Variants in HECW1 observed in about 807,000 individuals in gnomAD.
HECW1 encodes E3 ubiquitin-protein ligase HECW1.
In HECW1, 61 loss-of-function variants were observed where a neutral mutation model predicts 182.3. That is an observed-to-expected ratio of 0.33 (90% CI 0.27 to 0.41). The LOEUF (loss-of-function observed/expected upper bound fraction) is 0.41. HECW1 is among the 10% of genes least tolerant of loss of function. HECW1 has a pLI of 1.00. For missense variants in HECW1, 1,739 were observed against 2,108.9 expected, an observed-to-expected ratio of 0.82 and a Z score of 3.44; for synonymous variants, 859 against 832.6, an observed-to-expected ratio of 1.03 and a Z score of -0.55.
intron 6 of HECW1, among the ~76,000 whole-genome samples, chr7:43,392,166 A>AAGACTC (rs2075054679): frequency 6.6e-6 from 1 of 152,244 alleles, no homozygotes; most frequent in African/African-American, 2.4e-5. Flanking sequence ...CCAGATGAAT[A>AAGACTC]AGACTCAGTG....
rs780873522 is a variant in HECW1, at chr7:43,361,000, CTT to C, written c.555+22_555+23del. ...GCTCCTGTAAGTCTCATTTCTCCGT[CTT>C]TGGTTAGACCTAACTCTGGTCTTTC... On this transcript the variant is annotated intron_variant, in intron 6 of 29. Coordinates refer to ENST00000395891, the MANE Select transcript of HECW1 (RefSeq NM_015052.5). 1 of 1,563,348 alleles carries C rather than the reference CTT, an allele frequency of 6.4e-7. No homozygotes were observed. Among genetic ancestry groups the C allele is most frequent in the African/African-American group, 1.4e-5 (1 of 73,802 alleles).
At chr7:43,486,683 A>G (rs1283601594) in intron 17 of HECW1, among the ~76,000 whole-genome samples, 2 of 152,224 alleles carry the variant, frequency 1.3e-5, no homozygotes, top group Non-Finnish European at 2.9e-5. Context: ...CAGCTCTATT[A>G]TAAGCTTATG....
At chr7:43,273,806 G>T (rs559977237) in intron 3 of HECW1, among the ~76,000 whole-genome samples, 1 of 151,188 alleles carries the variant, frequency 6.6e-6, no homozygotes, top group African/African-American at 2.4e-5. Flanking sequence ...AACAACGGTG[G>T]ATAATTTCCC....
At chr7:43,501,183 C>CTTTTTTTTT (rs567367189) in intron 20 of HECW1, 30 bp from the exon 21 acceptor site, 1,848 of 745,732 alleles carry the variant, frequency 2.5e-3, no homozygotes, top group South Asian at 6.3e-3. Flanking sequence ...TCTTTTCTTT[C>CTTTTTTTTT]TTTTTTTTTT....
chr7:43,416,843 C>T (rs2076021098), intron 8 of HECW1, among the ~76,000 whole-genome samples: 1 of 58,686 alleles, frequency 1.7e-5, no homozygotes, highest in Admixed American at 1.9e-4. Flanking sequence ...ACTCCCTGGC[C>T]CCTTGCGCTT....
intron 8 of HECW1, among the ~76,000 whole-genome samples, chr7:43,430,333 CTCTT>C (rs1247183517): frequency 1.3e-5 from 2 of 152,326 alleles, no homozygotes; most frequent in East Asian, 3.9e-4. Flanking sequence ...GCCAGTAAAA[CTCTT>C]TCTACCCACG....
chr7:43,394,207 GCCATGAGGACTGGCCA>G (rs1449838493), intron 6 of HECW1, among the ~76,000 whole-genome samples: 1 of 152,162 alleles, frequency 6.6e-6, no homozygotes, highest in African/African-American at 2.4e-5. Context: ...CCCTGATTAT[GCCATGAGGACTGGCCA>G]CCTTCAGAGT....
intron 13 of HECW1, among the ~76,000 whole-genome samples, chr7:43,457,517 A>C (rs1272649563): frequency 1.3e-5 from 2 of 152,208 alleles, no homozygotes; most frequent in African/African-American, 4.8e-5. Context: ...TCACGCCTGT[A>C]ATCCCAGCAC....
At chr7:43,236,654 G>C (rs144788849) in intron 2 of HECW1, among the ~76,000 whole-genome samples, 1 of 152,062 alleles carries the variant, frequency 6.6e-6, no homozygotes, top group Admixed American at 6.6e-5. Flanking sequence ...AGTCTGGCTC[G>C]GTGAATCTGC....
chr7:43,354,605 C>T (rs1035476338), intron 5 of HECW1, among the ~76,000 whole-genome samples: 5 of 151,744 alleles, frequency 3.3e-5, no homozygotes, highest in African/African-American at 7.3e-5. Flanking sequence ...TTTGAAAATA[C>T]GCAGAGGAGA....
intron 3 of HECW1, among the ~76,000 whole-genome samples, chr7:43,253,666 G>A (rs904763142): frequency 1.3e-5 from 2 of 152,140 alleles, no homozygotes; most frequent in African/African-American, 4.8e-5. Context: ...GCATTGGGAG[G>A]CCGAGGAGCA....
chr7:43,209,899 C>T (rs1173293415), intron 2 of HECW1, among the ~76,000 whole-genome samples: 1 of 152,130 alleles, frequency 6.6e-6, no homozygotes, highest in Non-Finnish European at 1.5e-5. Context: ...TCTGCCGTGC[C>T]CAGTCCCACA....
At chr7:43,428,732 T>C (rs1267731242) in intron 8 of HECW1, among the ~76,000 whole-genome samples, 1 of 152,196 alleles carries the variant, frequency 6.6e-6, no homozygotes, top group East Asian at 1.9e-4. Flanking sequence ...TTTTCTTCCT[T>C]CTGTGTTCTG....
In HECW1 at chr7:43,508,262, C is replaced by A. The variant is rs541323502; in HGVS notation, c.3866+131C>A. 1.2e-5 allele frequency: 7 copies of A among 592,850 alleles called. No individual in the cohort carries two copies. The African/African-American group carries it at 1.3e-4, about 11-fold the overall frequency. 36.7% of individuals were successfully genotyped at this position (592,850 alleles called of 1,614,324 possible). The stretch of plus-strand genomic sequence containing the variant: ...ACCCCAATGCGATTCTGATCACATT[C>A]TCCCAGGAGGTCCTTCTTTTCAGGT... On this transcript the variant is annotated intron_variant, in intron 23 of 29. Transcript: ENST00000395891.
chr7:43,323,079 A>G (rs970618810), intron 5 of HECW1, among the ~76,000 whole-genome samples: 1 of 152,206 alleles, frequency 6.6e-6, no homozygotes, highest in Non-Finnish European at 1.5e-5. Flanking sequence ...ACACTTTGAT[A>G]CTATATGATC....
intron 3 of HECW1, among the ~76,000 whole-genome samples, chr7:43,292,422 A>G (rs930184141): frequency 1.3e-5 from 2 of 152,246 alleles, no homozygotes; most frequent in East Asian, 3.8e-4. Context: ...ACCAGCCTTG[A>G]TAACAAGGCA....
chr7:43,222,420 A>G (rs1584042175), intron 2 of HECW1, among the ~76,000 whole-genome samples: 2 of 152,330 alleles, frequency 1.3e-5, no homozygotes, highest in Non-Finnish European at 2.9e-5. Context: ...GGTACTTTGT[A>G]TAAGAGGGAT....
At chr7:43,162,467 C>T (rs891585937) in intron 2 of HECW1, among the ~76,000 whole-genome samples, 1 of 152,236 alleles carries the variant, frequency 6.6e-6, no homozygotes, top group Non-Finnish European at 1.5e-5. Context: ...TCTGTCTCTC[C>T]TCTGCGTGTC....
chr7:43,511,369 A>T (rs1284583692), intron 24 of HECW1: 3 of 152,226 alleles, frequency 2.0e-5, no homozygotes, highest in Admixed American at 1.3e-4. Flanking sequence ...GATGCTGCTG[A>T]CTTGTGATGA....
Sources: gnomAD v4.1 joint callset for allele counts (sites outside exome capture counted in the v4.1 genomes callset) on GRCh38, gnomAD v4.1.1 for gene constraint, MANE v1.5 for transcripts, NCBI Gene and HGNC (gene_info 2026-07-23, HGNC 2026-07-21) for gene names.